The following KLF13 variants were observed in gnomAD, a reference collection of about 807,000 sequenced individuals.
KLF13 encodes the protein KLF transcription factor 13.
A neutral mutation model predicts 16.7 loss-of-function variants in KLF13; 8 were observed. The observed-to-expected ratio is 0.48, with a 90% confidence interval of 0.28 to 0.87. The LOEUF is 0.87. Ranked by LOEUF, KLF13 falls within the 40% of genes least tolerant of loss-of-function variation. KLF13 has a pLI of 0.10. For synonymous variants in KLF13, 245 were observed against 208.4 expected, an observed-to-expected ratio of 1.18 and a Z score of -1.51; for missense variants, 447 against 452.2, an observed-to-expected ratio of 0.99 and a Z score of 0.10.
At chr15:31,340,958 T>C (rs4779862) in intron 1 of KLF13, among the ~76,000 whole-genome samples, 46,826 of 151,970 alleles carry the variant, frequency 0.31, 7,596 homozygotes, top group East Asian at 0.48. Context: ...CACTTGGGAG[T>C]TTCACGGGAG....
intron 1 of KLF13, among the ~76,000 whole-genome samples, chr15:31,415,434 A>G (rs1381073132): frequency 6.6e-6 from 1 of 152,222 alleles, no homozygotes; most frequent in Admixed American, 6.5e-5. Context: ...ATAATACAAA[A>G]TATGTTCTCT....
chr15:31,380,423 T>G (rs1322005501), downstream of KLF13, among the ~76,000 whole-genome samples: 2 of 152,208 alleles, frequency 1.3e-5, no homozygotes, highest in Non-Finnish European at 2.9e-5. Flanking sequence ...ATGAAGGGAC[T>G]GGTGTTCTGG....
chr15:31,396,452 C>T (rs569817719), intron 2 of KLF13, among the ~76,000 whole-genome samples: 3 of 152,282 alleles, frequency 2.0e-5, no homozygotes, highest in South Asian at 2.1e-4. Flanking sequence ...CCACCGCGCC[C>T]GGCCTAGGGT....
intron 1 of KLF13, among the ~76,000 whole-genome samples, chr15:31,354,772 C>T (rs1451814190): frequency 6.6e-6 from 1 of 152,156 alleles, no homozygotes. Flanking sequence ...ACCTGCTAGC[C>T]CCCTGCAGTC....
chr15:31,379,807 A>G (rs898871351), downstream of KLF13, among the ~76,000 whole-genome samples: 17 of 152,328 alleles, frequency 1.1e-4, no homozygotes, highest in African/African-American at 4.1e-4. Flanking sequence ...GGCCAGCCTC[A>G]GGACACTCCT....
At chr15:31,345,019 C>T (rs895645880) in intron 1 of KLF13, among the ~76,000 whole-genome samples, 10 of 152,198 alleles carry the variant, frequency 6.6e-5, no homozygotes, top group African/African-American at 2.4e-4. Flanking sequence ...AGGTGCCTTC[C>T]AGGCTCTGTG....
In KLF13 at chr15:31,373,941, G is replaced by GTTTTGAGGAGTACCTA. The variant is rs2039601552; in HGVS notation, c.*1648_*1649insGGAGTACCTATTTTGA. ...TCAGGGTATCTTGCCAGAGATACCT[G>GTTTTGAGGAGTACCTA]TTTTGATGAGTACCTATTTTGATGC... On this transcript the variant is annotated 3_prime_UTR_variant, in exon 2 of 2. Coordinates refer to ENST00000307145, the MANE Select transcript of KLF13 (RefSeq NM_015995.4). 1 of 152,654 alleles carries GTTTTGAGGAGTACCTA rather than the reference G, an allele frequency of 6.6e-6. No homozygotes were observed. The highest frequency in any genetic ancestry group is 2.1e-4 in the South Asian group (1 of 4,842). The allele number at this position is 152,654 out of a possible 1,614,324, so 9.5% of individuals were successfully genotyped here.
intron 1 of KLF13, among the ~76,000 whole-genome samples, chr15:31,335,077 A>G (rs1215144209): frequency 2.6e-5 from 4 of 152,236 alleles, no homozygotes; most frequent in Non-Finnish European, 5.9e-5. Context: ...GTAGAAACAC[A>G]TATGGGTGTG....
intron 1 of KLF13, among the ~76,000 whole-genome samples, chr15:31,423,167 A>ATATATACACG (rs1566848548): frequency 7.5e-5 from 8 of 107,280 alleles, no homozygotes; most frequent in African/African-American, 1.2e-4. Context: ...ATATATATGT[A>ATATATACACG]TATATATACA....
At chr15:31,412,201 G>T (rs1456632662) in intron 1 of KLF13, among the ~76,000 whole-genome samples, 1 of 152,156 alleles carries the variant, frequency 6.6e-6, no homozygotes, top group African/African-American at 2.4e-5. Flanking sequence ...GCTAGAAGCT[G>T]CCATCTTTGA....
chr15:31,423,155 G>A lies in KLF13; in HGVS notation n.118-12215G>A, dbSNP rs1312942968. Among the ~76,000 whole-genome samples, 7 of 110,084 alleles carry A rather than the reference G, an allele frequency of 6.4e-5. 2 individuals are homozygous for A. The highest frequency in any genetic ancestry group is 2.4e-4 in the African/African-American group (5 of 20,984). 72.2% of individuals were successfully genotyped at this position (110,084 alleles called of 152,430 possible). Reference sequence around the variant, plus strand: ...TACGTATACGTATACGTATATATACGTATATATATGTATATATATACATAT... The same window carrying A: ...TACGTATACGTATACGTATATATACATATATATATGTATATATATACATAT... On this transcript the variant is annotated intron_variant and non_coding_transcript_variant, in intron 1 of 1. Transcript: ENST00000558225.
intron 1 of KLF13, among the ~76,000 whole-genome samples, chr15:31,366,978 C>T (rs573050867): frequency 2.0e-5 from 3 of 152,262 alleles, no homozygotes; most frequent in Admixed American, 6.5e-5. Flanking sequence ...GACTGGAATG[C>T]GTGCTTGGGT....
chr15:31,401,340 C>T (rs1337219660), intron 2 of KLF13, among the ~76,000 whole-genome samples: 3 of 152,216 alleles, frequency 2.0e-5, no homozygotes, highest in Admixed American at 6.5e-5. Flanking sequence ...GCTCTTTTCA[C>T]GAAGTCCTTG....
At chr15:31,327,881 G>T in intron 1 of KLF13, 92 bp downstream of exon 1, 1 of 1,180,284 alleles carries the variant, frequency 8.5e-7, no homozygotes, top group South Asian at 3.8e-5. Context: ...GGGGCGCGAG[G>T]TGGGGGCCGG....
chr15:31,378,836 C>T (rs2039689832), downstream of KLF13, among the ~76,000 whole-genome samples: 1 of 152,188 alleles, frequency 6.6e-6, no homozygotes, highest in Middle Eastern at 3.2e-3. Context: ...TCTTCTGCCT[C>T]AGCTTCCTGA....
At chr15:31,387,533 T>C (rs1261507492) in intron 1 of KLF13, among the ~76,000 whole-genome samples, 4 of 152,350 alleles carry the variant, frequency 2.6e-5, no homozygotes, top group Non-Finnish European at 5.9e-5. Flanking sequence ...CCAAAAAATG[T>C]GTGTGACTCA....
At chr15:31,384,095 AAC>A (rs1363375197) in intron 1 of KLF13, among the ~76,000 whole-genome samples, 2 of 152,206 alleles carry the variant, frequency 1.3e-5, no homozygotes, top group Admixed American at 1.3e-4. Flanking sequence ...GATTTATTAA[AAC>A]ACTTTTCTCT....
chr15:31,339,502 C>A (rs904796823), intron 1 of KLF13, among the ~76,000 whole-genome samples: 1 of 152,198 alleles, frequency 6.6e-6, no homozygotes, highest in Non-Finnish European at 1.5e-5. Flanking sequence ...GGCATGCTTA[C>A]GTAGACACCA....
chr15:31,368,572 A>G (rs1379971454), intron 1 of KLF13, among the ~76,000 whole-genome samples: 1 of 152,208 alleles, frequency 6.6e-6, no homozygotes, highest in Non-Finnish European at 1.5e-5. Flanking sequence ...TAAAAGGCCC[A>G]AGCCAGGCGT....
Sources: allele counts gnomAD v4.1 joint callset (sites outside exome capture counted in the v4.1 genomes callset), GRCh38; gene constraint gnomAD v4.1.1; transcripts MANE v1.5; gene names NCBI Gene and HGNC (gene_info 2026-07-23, HGNC 2026-07-21).